Variants in ST18 observed in about 807,000 individuals in gnomAD.
ST18 encodes the protein suppression of tumorigenicity 18 protein.
ST18 carries 50 observed loss-of-function variants against 110.0 expected under a neutral mutation model. The ratio of observed to expected loss-of-function variants is 0.45; its 90% CI spans 0.36 to 0.58. ST18 has a LOEUF of 0.58. Among genes scored for constraint, ST18 ranks in the 20% least tolerant of loss-of-function variants. ST18 has a pLI of 0.00. For missense variants in ST18, 1,306 were observed against 1,280.1 expected (o/e 1.02, Z -0.31); for synonymous variants, 461 against 452.4 (o/e 1.02, Z -0.24).
intron 2 of ST18, among the ~76,000 whole-genome samples, chr8:52,318,134 A>G (rs1047844512): frequency 3.3e-5 from 5 of 152,308 alleles, no homozygotes; most frequent in Non-Finnish European, 7.4e-5. Context: ...CTATGCATCT[A>G]ACAAAGCCTA....
intron 2 of ST18, among the ~76,000 whole-genome samples, chr8:52,348,763 T>A (rs1199010175): frequency 6.6e-6 from 1 of 152,190 alleles, no homozygotes; most frequent in African/African-American, 2.4e-5. Context: ...ATTGTATATA[T>A]TTATCATGTA....
intron 10 of ST18, among the ~76,000 whole-genome samples, chr8:52,170,447 AAAATCAAT>A (rs1348938387): frequency 0.042 from 5,868 of 140,028 alleles, 376 homozygotes; most frequent in African/African-American, 0.15. Flanking sequence ...GCAAAACTCA[AAAATCAAT>A]AAATAAATAA....
chr8:52,392,560 C>T (rs1839672604), intron 2 of ST18, among the ~76,000 whole-genome samples: 1 of 152,154 alleles, frequency 6.6e-6, no homozygotes, highest in Admixed American at 6.5e-5. Context: ...AATATTGTTA[C>T]TGATGCAGGG....
chr8:52,187,836 A>G (rs1398918857), intron 8 of ST18, among the ~76,000 whole-genome samples: 1 of 152,210 alleles, frequency 6.6e-6, no homozygotes, highest in Non-Finnish European at 1.5e-5. Context: ...GTTAATTTGC[A>G]TTTCTATACC....
rs1437973927 is a variant in ST18 at position 52,168,137 on chromosome 8, G to C, written c.1070-1151C>G. 2.6e-5 allele frequency among the ~76,000 whole-genome samples: 4 copies of C among 150,970 alleles called. No homozygotes were observed. In the East Asian group the frequency reaches 7.8e-4, roughly 29 times the overall value. Reference sequence around the variant, plus strand: ...GGGAGAGCCTGTCCCACGGCACTTGGGGCACGGAGAAGAAAGAGCATGAGA... The same window carrying C: ...GGGAGAGCCTGTCCCACGGCACTTGCGGCACGGAGAAGAAAGAGCATGAGA... On this transcript the variant is annotated intron_variant, in intron 10 of 25. Coordinates refer to ENST00000689386, the MANE Select transcript of ST18 (RefSeq NM_001352837.2).
At chr8:52,273,564 T>C (rs1238845368) in intron 2 of ST18, among the ~76,000 whole-genome samples, 2 of 152,236 alleles carry the variant, frequency 1.3e-5, no homozygotes, top group African/African-American at 4.8e-5. Flanking sequence ...GCACTCAGTT[T>C]TTCCAGCTTA....
At chr8:52,260,483 C>T (rs2094654636) in intron 2 of ST18, among the ~76,000 whole-genome samples, 1 of 138,464 alleles carries the variant, frequency 7.2e-6, no homozygotes, top group Non-Finnish European at 1.5e-5. Context: ...TTCCTTTGCA[C>T]ACTTTATATG....
chr8:52,251,800 A>G (rs1004999205), intron 2 of ST18, among the ~76,000 whole-genome samples: 1 of 152,104 alleles, frequency 6.6e-6, no homozygotes, highest in Non-Finnish European at 1.5e-5. Flanking sequence ...GTTGAATTCA[A>G]TCCATAAAAC....
At chr8:52,207,483 C>T (rs1223592597) in intron 8 of ST18, among the ~76,000 whole-genome samples, 2 of 151,988 alleles carry the variant, frequency 1.3e-5, no homozygotes, top group Admixed American at 6.6e-5. Flanking sequence ...CAGAGTGAGA[C>T]CCTGTCTCAA....
chr8:52,230,173 C>T (rs760340630), intron 2 of ST18, 96 bp from the exon 3 acceptor site: 32 of 152,094 alleles, frequency 2.1e-4, no homozygotes, highest in Non-Finnish European at 8.8e-5. Flanking sequence ...CTATATAAAA[C>T]CATCCTTTCA....
At chr8:52,128,958 T>C (rs530643554) in intron 22 of ST18, among the ~76,000 whole-genome samples, 1 of 152,104 alleles carries the variant, frequency 6.6e-6, no homozygotes, top group Non-Finnish European at 1.5e-5. Flanking sequence ...TAACAAGTGA[T>C]GGGAAAGAAA....
intron 8 of ST18, among the ~76,000 whole-genome samples, chr8:52,210,300 A>T (rs1178836623): frequency 6.6e-6 from 1 of 152,210 alleles, no homozygotes; most frequent in Non-Finnish European, 1.5e-5. Context: ...AGGTTATTCA[A>T]CAATTTAATC....
At chr8:52,344,234 T>C (rs1007023399) in intron 2 of ST18, among the ~76,000 whole-genome samples, 4 of 103,928 alleles carry the variant, frequency 3.8e-5, no homozygotes, top group Non-Finnish European at 5.7e-5. Flanking sequence ...AAGAGCAAGA[T>C]ATTATAAAAG....
At chr8:52,277,322 T>C (rs866366174) in intron 2 of ST18, among the ~76,000 whole-genome samples, 1 of 152,170 alleles carries the variant, frequency 6.6e-6, no homozygotes, top group Non-Finnish European at 1.5e-5. Flanking sequence ...TTGGGTGACA[T>C]CATAAACCAC....
chr8:52,219,481 A>T (rs1477206819), intron 5 of ST18, among the ~76,000 whole-genome samples: 2 of 152,164 alleles, frequency 1.3e-5, no homozygotes, highest in Non-Finnish European at 1.5e-5. Context: ...TTTGCACACT[A>T]TTCTTGATTT....
intron 2 of ST18, among the ~76,000 whole-genome samples, chr8:52,389,409 T>C (rs1838430933): frequency 6.6e-6 from 1 of 152,068 alleles, no homozygotes; most frequent in African/African-American, 2.4e-5. Flanking sequence ...TGGGATGTGA[T>C]GATATTAAAA....
chr8:52,383,947 T>C (rs576892550), intron 2 of ST18, among the ~76,000 whole-genome samples: 1 of 152,080 alleles, frequency 6.6e-6, no homozygotes, highest in South Asian at 2.1e-4. Flanking sequence ...AGAGGAGGTC[T>C]ATGTTGCCCA....
At chr8:52,249,121 G>T (rs553039742) in intron 2 of ST18, among the ~76,000 whole-genome samples, 2 of 152,274 alleles carry the variant, frequency 1.3e-5, no homozygotes, top group Admixed American at 1.3e-4. Flanking sequence ...TCAAATTCAA[G>T]TTCACTCGCA....
chr8:52,140,831 A>G (rs2054724163), intron 17 of ST18, among the ~76,000 whole-genome samples: 1 of 152,122 alleles, frequency 6.6e-6, no homozygotes, highest in African/African-American at 2.4e-5. Flanking sequence ...ACTTTTAGCA[A>G]TTTCCAACAA....
Sources: allele counts gnomAD v4.1 joint callset (sites outside exome capture counted in the v4.1 genomes callset), GRCh38; gene constraint gnomAD v4.1.1; transcripts MANE v1.5; gene names NCBI Gene and HGNC (gene_info 2026-07-23, HGNC 2026-07-21).